Variants in POLQ observed in about 807,000 individuals in gnomAD.
POLQ encodes epididymis secretory sperm binding protein.
In POLQ, 233 loss-of-function variants were observed where a neutral mutation model predicts 259.2. That is an observed-to-expected ratio of 0.90 (90% CI 0.81 to 1.00). POLQ has a LOEUF of 1.00. Ranked by LOEUF, POLQ falls within the 50% of genes least tolerant of loss-of-function variation. The pLI is 0.00. For synonymous variants in POLQ, 1,025 were observed against 1,048.8 expected (o/e 0.98, Z 0.44); for missense variants, 2,871 against 3,051.6 (o/e 0.94, Z 1.39).
intron 4 of POLQ, among the ~76,000 whole-genome samples, chr3:121,538,738 T>C (rs571557194): frequency 6.6e-6 from 1 of 152,202 alleles, no homozygotes; most frequent in East Asian, 1.9e-4. Context: ...TACAAATCAA[T>C]TGCAATTTCT....
At chr3:121,499,537 C>A (rs2048150518) in intron 12 of POLQ, among the ~76,000 whole-genome samples, 1 of 152,124 alleles carries the variant, frequency 6.6e-6, no homozygotes, top group South Asian at 2.1e-4. Context: ...TTACAGGCAT[C>A]AGCCACTGCG....
Position 121,468,308 on chromosome 3 carries a change from C to A in POLQ, c.6842G>T (p.Gly2281Val), listed in dbSNP as rs146701093. 20 of 1,611,562 alleles carry A rather than the reference C, an allele frequency of 1.2e-5. No individual in the cohort carries two copies. The African/African-American group carries it at 2.5e-4, about 20-fold the overall frequency. ...GATACAGAGAAACAGCACCTACCTG[C>A]CCATGGGAAGTAGGCCTTTGCCTAC... is the stretch of plus-strand genomic sequence containing the variant. ...QAVGKGLLPM[G>V]RGKYKKGFSV... Residue 2281 changes from glycine (G) to valine (V), a missense_variant, in exon 23 of 30, where the codon GGC becomes GTC. By Grantham distance (109) the Gly-to-Val change is moderately radical. This residue lies in a region of POLQ where 2,080 missense variants were observed against 2,126.0 expected (regional missense o/e 0.98). Transcript: ENST00000264233.
intron 2 of POLQ, among the ~76,000 whole-genome samples, chr3:121,542,005 G>A (rs571152430): frequency 1.3e-5 from 2 of 151,912 alleles, no homozygotes; most frequent in Admixed American, 6.6e-5. Context: ...GCGTGGTGGC[G>A]GGCACCTGTA....
At chr3:121,495,594 C>T (rs1157207424) in intron 14 of POLQ, among the ~76,000 whole-genome samples, 2 of 151,764 alleles carry the variant, frequency 1.3e-5, no homozygotes, top group Admixed American at 6.6e-5. Context: ...CCTGTAATCC[C>T]AGTACTTTAG....
At chr3:121,456,431 G>A (rs2108781968) in intron 25 of POLQ, among the ~76,000 whole-genome samples, 2 of 152,204 alleles carry the variant, frequency 1.3e-5, no homozygotes, top group South Asian at 4.2e-4. Context: ...TAGGAAAAGA[G>A]GAAGTCAAAT....
At chr3:121,520,605 G>A (rs1047847980) in intron 8 of POLQ, among the ~76,000 whole-genome samples, 37 of 152,122 alleles carry the variant, frequency 2.4e-4, no homozygotes, top group Admixed American at 5.2e-4. Context: ...TAGACCAGGG[G>A]TCCACAAACT....
At chr3:121,435,608 C>T (rs1275486965) in intron 28 of POLQ, among the ~76,000 whole-genome samples, 1 of 152,176 alleles carries the variant, frequency 6.6e-6, no homozygotes. Flanking sequence ...AATTCCACAT[C>T]CTGGGAAACT....
intron 15 of POLQ, among the ~76,000 whole-genome samples, chr3:121,490,657 G>A (rs894633402): frequency 1.3e-5 from 2 of 152,176 alleles, no homozygotes; most frequent in Admixed American, 6.5e-5. Context: ...AAGGGGTGGT[G>A]GGTGGTTCTG....
rs372898750 is a variant in POLQ, at chr3:121,432,994, G to A, written c.7583C>T (p.Pro2528Leu). 6 of 1,611,882 alleles carry A rather than the reference G, an allele frequency of 3.7e-6. No homozygotes were observed. In the African/African-American group the frequency reaches 6.7e-5, roughly 18 times the overall value. Residue 2528 changes from proline to leucine, a missense_variant, in exon 29 of 30, where the codon CCA (proline) becomes CTA (leucine). By Grantham distance (98) the Pro-to-Leu change is moderately conservative (BLOSUM62 -3). Transcript: ENST00000264233. Reference protein sequence around the residue: ...RKRKLQGMFCPIRGGFFILQL... With the variant: ...RKRKLQGMFCLIRGGFFILQL... ...AAGGATGAAGAAGCCTCCTCTGATTGGGCAGAACATCCCTTGCAGTTTTCT... is the reference window on the plus strand; with the variant it reads ...AAGGATGAAGAAGCCTCCTCTGATTAGGCAGAACATCCCTTGCAGTTTTCT...
chr3:121,504,984 C>A (rs536610374), intron 12 of POLQ, among the ~76,000 whole-genome samples: 1 of 152,114 alleles, frequency 6.6e-6, no homozygotes, highest in East Asian at 1.9e-4. Flanking sequence ...GTGTCCCCAC[C>A]GAATTTCATG....
chr3:121,482,384 G>C (rs1370273255), intron 18 of POLQ, among the ~76,000 whole-genome samples: 1 of 152,032 alleles, frequency 6.6e-6, no homozygotes, highest in African/African-American at 2.4e-5. Flanking sequence ...GCTGGGCATG[G>C]TGGTGGGCAC....
intron 25 of POLQ, among the ~76,000 whole-genome samples, chr3:121,457,659 G>C (rs998148895): frequency 1.3e-5 from 2 of 152,204 alleles, no homozygotes; most frequent in African/African-American, 4.8e-5. Flanking sequence ...GGCCATCAGA[G>C]AAATGCAAAT....
At chr3:121,451,455 G>C (rs1003427475) in intron 25 of POLQ, among the ~76,000 whole-genome samples, 8 of 152,236 alleles carry the variant, frequency 5.3e-5, no homozygotes, top group African/African-American at 1.9e-4. Context: ...GTGACGTACA[G>C]ATGGGGTTTT....
chr3:121,531,973 A>G (rs2048414633), intron 6 of POLQ, among the ~76,000 whole-genome samples: 1 of 152,230 alleles, frequency 6.6e-6, no homozygotes, highest in South Asian at 2.1e-4. Flanking sequence ...TAGTACTCAG[A>G]GGCACAACTC....
In POLQ at chr3:121,500,795, GA is replaced by G. The variant is rs558943647; in HGVS notation, c.1960-2126del. Among the ~76,000 whole-genome samples, 50 of 151,746 alleles carry G rather than the reference GA, an allele frequency of 3.3e-4. No individual in the cohort carries two copies. The South Asian group carries it at 5.2e-3, about 16-fold the overall frequency. ...TCACAGTCAAAACATTAAAACTGAA[GA>G]AAAAAAATCTTGAAAACAGCAAGAA... On this transcript the variant is annotated intron_variant, in intron 12 of 29. Coordinates refer to ENST00000264233, the MANE Select transcript of POLQ (RefSeq NM_199420.4).
At chr3:121,520,116 T>C in intron 8 of POLQ, 33 bp from the exon 9 acceptor site, 1 of 1,248,868 alleles carries the variant, frequency 8.0e-7, no homozygotes, top group South Asian at 1.2e-5. Flanking sequence ...TATTTATTGA[T>C]ATATAACGAA....
intron 13 of POLQ, 37 bp downstream of exon 13, chr3:121,498,440 G>A: frequency 6.7e-7 from 1 of 1,500,542 alleles, no homozygotes; most frequent in Middle Eastern, 1.7e-4. Context: ...AAGACACTGT[G>A]TTAAATACCG....
chr3:121,478,314 C>A (rs182826822), intron 19 of POLQ, among the ~76,000 whole-genome samples: 2 of 152,118 alleles, frequency 1.3e-5, no homozygotes, highest in African/African-American at 4.8e-5. Context: ...ATAATAAATC[C>A]TGTATGAACT....
intron 27 of POLQ, among the ~76,000 whole-genome samples, chr3:121,437,114 A>G (rs1229128455): frequency 6.6e-6 from 1 of 152,152 alleles, no homozygotes; most frequent in East Asian, 1.9e-4. Flanking sequence ...AATGCCTGTA[A>G]TCTCAGCTAC....
Sources: gnomAD v4.1 joint callset for allele counts (sites outside exome capture counted in the v4.1 genomes callset) on GRCh38, gnomAD v4.1.1 for gene constraint, gnomAD v4.1.1 regional missense constraint, MANE v1.5 for transcripts, NCBI Gene and HGNC (gene_info 2026-07-23, HGNC 2026-07-21) for gene names.